The following CLSTN2 variants were observed in gnomAD, a reference collection of about 807,000 sequenced individuals.
CLSTN2 encodes the protein calsyntenin-2.
A neutral mutation model predicts 101.2 loss-of-function variants in CLSTN2; 48 were observed. The ratio of observed to expected loss-of-function variants is 0.47; its 90% CI spans 0.38 to 0.60. CLSTN2 has a LOEUF of 0.60. Ranked by LOEUF, CLSTN2 falls within the 20% of genes least tolerant of loss-of-function variation. The pLI is 0.00. For missense variants in CLSTN2, 1,160 were observed against 1,238.2 expected (o/e 0.94, Z 0.95); for synonymous variants, 481 against 463.6 (o/e 1.04, Z -0.48).
chr3:140,414,751 C>T (rs2088408674), intron 4 of CLSTN2, among the ~76,000 whole-genome samples: 1 of 151,820 alleles, frequency 6.6e-6, no homozygotes, highest in African/African-American at 2.4e-5. Flanking sequence ...GTCTATACTA[C>T]CCAAAGCAAG....
intron 2 of CLSTN2, among the ~76,000 whole-genome samples, chr3:140,336,363 C>T (rs539671795): frequency 1.3e-5 from 2 of 152,302 alleles, no homozygotes; most frequent in Non-Finnish European, 2.9e-5. Flanking sequence ...GTGGAACAAC[C>T]AATTACTCAG....
chr3:140,060,570 G>C (rs995832616), intron 1 of CLSTN2, among the ~76,000 whole-genome samples: 12 of 152,158 alleles, frequency 7.9e-5, no homozygotes, highest in Admixed American at 2.6e-4. Context: ...CTGGCCCTCG[G>C]CAATGGGAAG....
chr3:140,503,905 T>C (rs1446208456), intron 8 of CLSTN2, among the ~76,000 whole-genome samples: 1 of 152,196 alleles, frequency 6.6e-6, no homozygotes, highest in Admixed American at 6.5e-5. Context: ...TAGGAAGAAC[T>C]GCAGGAAAGA....
intron 1 of CLSTN2, among the ~76,000 whole-genome samples, chr3:139,968,268 A>G (rs12107039): frequency 0.012 from 1,885 of 152,258 alleles, 30 homozygotes; most frequent in African/African-American, 0.043. Context: ...TTGTTAATAG[A>G]ATTCTGGGGA....
intron 1 of CLSTN2, among the ~76,000 whole-genome samples, chr3:140,060,429 T>G (rs573594829): frequency 6.6e-6 from 1 of 152,290 alleles, no homozygotes; most frequent in African/African-American, 2.4e-5. Context: ...CCCAAAATCC[T>G]CTTGGAAATG....
chr3:140,526,855 A>C (rs1935154201), intron 8 of CLSTN2, among the ~76,000 whole-genome samples: 2 of 152,194 alleles, frequency 1.3e-5, no homozygotes, highest in Admixed American at 6.5e-5. Flanking sequence ...CTATTCAATG[A>C]ATGGTGTTGG....
chr3:140,392,297 T>C (rs1229867651), intron 2 of CLSTN2, among the ~76,000 whole-genome samples: 1 of 151,886 alleles, frequency 6.6e-6, no homozygotes, highest in Non-Finnish European at 1.5e-5. Flanking sequence ...TATTTCAACA[T>C]GTTATCAAAT....
intron 2 of CLSTN2, among the ~76,000 whole-genome samples, chr3:140,368,923 T>C (rs945713004): frequency 6.6e-6 from 1 of 152,204 alleles, no homozygotes; most frequent in Non-Finnish European, 1.5e-5. Context: ...CTGGGTAACC[T>C]TTAAAATGAA....
At chr3:140,088,728 G>T (rs1282711667) in intron 1 of CLSTN2, among the ~76,000 whole-genome samples, 1 of 152,180 alleles carries the variant, frequency 6.6e-6, no homozygotes, top group Non-Finnish European at 1.5e-5. Flanking sequence ...CTGCACAACG[G>T]ATGTGGTGAT....
intron 1 of CLSTN2, among the ~76,000 whole-genome samples, chr3:140,133,871 G>T (rs79313647): frequency 0.06 from 9,191 of 152,216 alleles, 905 homozygotes; most frequent in African/African-American, 0.21. Flanking sequence ...GGAGAAACTT[G>T]CTGTAATTCT....
chr3:140,041,204 G>A (rs971684406), intron 1 of CLSTN2, among the ~76,000 whole-genome samples: 5 of 152,120 alleles, frequency 3.3e-5, no homozygotes, highest in South Asian at 2.1e-4. Context: ...TAACTGACTC[G>A]AAGTAAGTTT....
At chr3:140,021,167 T>C (rs1343907366) in intron 1 of CLSTN2, among the ~76,000 whole-genome samples, 1 of 152,136 alleles carries the variant, frequency 6.6e-6, no homozygotes, top group Non-Finnish European at 1.5e-5. Flanking sequence ...GGGGGAAGCA[T>C]CATTGCTAGC....
chr3:139,995,249 C>G (rs1936182895), intron 1 of CLSTN2, among the ~76,000 whole-genome samples: 1 of 152,274 alleles, frequency 6.6e-6, no homozygotes, highest in Non-Finnish European at 1.5e-5. Flanking sequence ...CCCAAATGAC[C>G]CCATCACCCA....
intron 1 of CLSTN2, among the ~76,000 whole-genome samples, chr3:140,102,172 A>T (rs1015665724): frequency 1.3e-5 from 2 of 152,204 alleles, no homozygotes; most frequent in African/African-American, 4.8e-5. Flanking sequence ...TGGGCCAATC[A>T]TTCGTGATAA....
chr3:140,477,973 C>T (rs1459686154), intron 8 of CLSTN2, among the ~76,000 whole-genome samples: 1 of 152,220 alleles, frequency 6.6e-6, no homozygotes, highest in African/African-American at 2.4e-5. Context: ...AGACCATACT[C>T]AGGGGTCACA....
At chr3:140,016,945 A>G (rs946925415) in intron 1 of CLSTN2, among the ~76,000 whole-genome samples, 6 of 152,218 alleles carry the variant, frequency 3.9e-5, no homozygotes, top group African/African-American at 1.4e-4. Context: ...AGGGGAGTCA[A>G]AAGTTACACA....
intron 2 of CLSTN2, among the ~76,000 whole-genome samples, chr3:140,386,488 A>T (rs2088052757): frequency 6.6e-6 from 1 of 152,186 alleles, no homozygotes; most frequent in Non-Finnish European, 1.5e-5. Flanking sequence ...GCTCTCTCAC[A>T]CTATCTCATC....
At chr3:140,056,245 C>A (rs1181314219) in intron 1 of CLSTN2, among the ~76,000 whole-genome samples, 1 of 152,182 alleles carries the variant, frequency 6.6e-6, no homozygotes, top group African/African-American at 2.4e-5. Flanking sequence ...GTAACCTCAG[C>A]ACCTAGCACA....
intron 5 of CLSTN2, among the ~76,000 whole-genome samples, chr3:140,443,475 T>A (rs777725367): frequency 2.0e-5 from 3 of 152,236 alleles, no homozygotes; most frequent in African/African-American, 4.8e-5. Context: ...GTAGTTATAA[T>A]AAAATCATCA....
Sources: gnomAD v4.1 joint callset for allele counts (sites outside exome capture counted in the v4.1 genomes callset) on GRCh38, gnomAD v4.1.1 for gene constraint, MANE v1.5 for transcripts, NCBI Gene and HGNC (gene_info 2026-07-23, HGNC 2026-07-21) for gene names.